SYNPR: variants seen among roughly 807,000 people sequenced by gnomAD.
The protein encoded by SYNPR is synaptoporin.
In SYNPR, 23 loss-of-function variants were observed where a neutral mutation model predicts 32.9. The ratio of observed to expected loss-of-function variants is 0.70; its 90% confidence interval spans 0.50 to 0.99. The LOEUF (loss-of-function observed/expected upper bound fraction) is 0.99. Among genes scored for constraint, SYNPR ranks in the 50% least tolerant of loss-of-function variants. SYNPR has a pLI of 0.00. For missense variants in SYNPR, 318 were observed against 349.3 expected, an observed-to-expected ratio of 0.91 and a Z score of 0.71; for synonymous variants, 146 against 135.9, an observed-to-expected ratio of 1.07 and a Z score of -0.52.
the SYNPR span, among the ~76,000 whole-genome samples, chr3:63,202,804 A>C: frequency 6.6e-6 from 1 of 152,032 alleles, no homozygotes; most frequent in Non-Finnish European, 1.5e-5. Context: ...CCAAGAAAGA[A>C]GAAAGCTCCC....
intron 2 of SYNPR, among the ~76,000 whole-genome samples, chr3:63,409,857 T>C (rs892169611): frequency 1.3e-5 from 2 of 152,148 alleles, no homozygotes; most frequent in Non-Finnish European, 2.9e-5. Flanking sequence ...CTTTGGTTAA[T>C]AAAGTATGAG....
rs370133750 is a variant in SYNPR at position 63,414,374 on chromosome 3, A to G, written c.85-66458A>G. ...TTTTTGGAGTTTTATTAGGTTGCAA[A>G]TGTGTCACTTCAGCCTTGGTTCCAA... On this transcript the variant is annotated intron_variant, in intron 2 of 5. Transcript: ENST00000478300. 1.5e-3 allele frequency among the ~76,000 whole-genome samples: 230 copies of G among 152,326 alleles called. 1 individual carries two copies. Among genetic ancestry groups the G allele is most frequent in the African/African-American group, 5.3e-3 (222 of 41,584 alleles).
chr3:63,607,853 A>AAAAGTAATTTT (rs1404791390), intron 4 of SYNPR, among the ~76,000 whole-genome samples: 6 of 115,566 alleles, frequency 5.2e-5, no homozygotes, highest in African/African-American at 1.6e-4. Flanking sequence ...AGATCATGGG[A>AAAAGTAATTTT]TCGTGATGAA....
chr3:63,384,128 C>T (rs749638500), intron 2 of SYNPR, among the ~76,000 whole-genome samples: 26 of 152,234 alleles, frequency 1.7e-4, no homozygotes, highest in African/African-American at 6.3e-4. Context: ...ATTCAGTCAT[C>T]TAATGCCTAC....
chr3:63,203,068 G>GTGTGTGTGTATATATA, the SYNPR span: 94 of 108,540 alleles, frequency 8.7e-4, no homozygotes, highest in Non-Finnish European at 1.4e-3. Context: ...ATATGTATGT[G>GTGTGTGTGTATATATA]TATATATATA....
chr3:63,544,881 C>CAT (rs1702373152), intron 3 of SYNPR, among the ~76,000 whole-genome samples: 1 of 152,024 alleles, frequency 6.6e-6, no homozygotes, highest in African/African-American at 2.4e-5. Flanking sequence ...ACTTCACACA[C>CAT]ACACACACAC....
intron 2 of SYNPR, among the ~76,000 whole-genome samples, chr3:63,281,520 G>A (rs1464696036): frequency 1.3e-5 from 2 of 152,126 alleles, no homozygotes; most frequent in Non-Finnish European, 2.9e-5. Context: ...CATCAGATTC[G>A]TTGTTTAGTG....
At chr3:63,255,534 G>A (rs1295671007) in intron 2 of SYNPR, among the ~76,000 whole-genome samples, 2 of 152,210 alleles carry the variant, frequency 1.3e-5, no homozygotes, top group Admixed American at 1.3e-4. Context: ...TGGGCAAAAT[G>A]TGAAGTAACT....
At chr3:63,510,000 C>T (rs1701666621) in intron 3 of SYNPR, among the ~76,000 whole-genome samples, 1 of 151,772 alleles carries the variant, frequency 6.6e-6, no homozygotes, top group Non-Finnish European at 1.5e-5. Context: ...TTTCTCATGA[C>T]TACTAACCAG....
the SYNPR span, among the ~76,000 whole-genome samples, chr3:63,220,190 C>T: frequency 6.6e-6 from 1 of 152,166 alleles, no homozygotes; most frequent in South Asian, 2.1e-4. Context: ...GAGACAGATA[C>T]TGCTGTAATC....
At chr3:63,496,437 G>T (rs1204569863) in intron 3 of SYNPR, among the ~76,000 whole-genome samples, 1 of 151,970 alleles carries the variant, frequency 6.6e-6, no homozygotes, top group Non-Finnish European at 1.5e-5. Flanking sequence ...TACCTATGTG[G>T]ACAGTTAGGT....
At chr3:63,611,478 C>T (rs916213400) in intron 5 of SYNPR, among the ~76,000 whole-genome samples, 1 of 152,146 alleles carries the variant, frequency 6.6e-6, no homozygotes, top group African/African-American at 2.4e-5. Flanking sequence ...TCAAATCATA[C>T]TGAGCTAGCT....
chr3:63,211,413 C>T, the SYNPR span, among the ~76,000 whole-genome samples: 177 of 152,330 alleles, frequency 1.2e-3, no homozygotes, highest in Non-Finnish European at 2.3e-3. Flanking sequence ...TAGAATGATG[C>T]CATGGCACAA....
the SYNPR span, among the ~76,000 whole-genome samples, chr3:63,221,672 G>C: frequency 6.6e-6 from 1 of 152,238 alleles, no homozygotes; most frequent in South Asian, 2.1e-4. Context: ...GACTCTCCCA[G>C]GTTCACAACT....
At chr3:63,476,154 G>GAA (rs1559510439) in intron 2 of SYNPR, among the ~76,000 whole-genome samples, 1 of 45,548 alleles carries the variant, frequency 2.2e-5, no homozygotes, top group African/African-American at 9.3e-5. Context: ...AGGAAGGGAG[G>GAA]GAGGGAGGGA....
In SYNPR at chr3:63,511,141, GACCCTGA is replaced by G. The variant is rs1186238050; in HGVS notation, c.209+30186_209+30192del. 5.1e-5 allele frequency among the ~76,000 whole-genome samples: 3 copies of G among 59,188 alleles called. No individual in the cohort carries two copies. The East Asian group carries it at 1.2e-3, about 24-fold the overall frequency. The allele number at this position is 59,188 out of a possible 152,430, so 38.8% of individuals were successfully genotyped here. ...TGCTTTTTGGGTATTGGGAATCATG[GACCCTGA>G]GTACTGGGAATCATGGGCCTAGAAA... On this transcript the variant is annotated intron_variant, in intron 3 of 5. Coordinates refer to ENST00000478300, the MANE Select transcript of SYNPR (RefSeq NM_001130003.2).
At chr3:63,283,543 A>AAT (rs2086650288) in intron 2 of SYNPR, among the ~76,000 whole-genome samples, 2 of 152,118 alleles carry the variant, frequency 1.3e-5, no homozygotes, top group Non-Finnish European at 2.9e-5. Flanking sequence ...GAAATGGCAA[A>AAT]ATGTATATAT....
At chr3:63,435,908 T>C (rs1213814902) in intron 2 of SYNPR, among the ~76,000 whole-genome samples, 1 of 152,202 alleles carries the variant, frequency 6.6e-6, no homozygotes, top group Non-Finnish European at 1.5e-5. Context: ...TGAGAATTAT[T>C]TATATACCAG....
chr3:63,471,016 C>T (rs187944863), intron 2 of SYNPR, among the ~76,000 whole-genome samples: 1 of 152,326 alleles, frequency 6.6e-6, no homozygotes, highest in East Asian at 1.9e-4. Context: ...ACAGAAACTT[C>T]TTTTGCCATG....
Sources: allele counts gnomAD v4.1 joint callset (sites outside exome capture counted in the v4.1 genomes callset), GRCh38; gene constraint gnomAD v4.1.1; transcripts MANE v1.5; gene names NCBI Gene and HGNC (gene_info 2026-07-23, HGNC 2026-07-21).